Variants in PPP1R9A observed in about 807,000 individuals in gnomAD.
The protein encoded by PPP1R9A is neurabin-1.
Under a neutral mutation model 141.9 loss-of-function variants are expected in PPP1R9A, and 59 were observed. The ratio of observed to expected loss-of-function variants is 0.42; its 90% CI spans 0.34 to 0.52. The LOEUF is 0.52. Among genes scored for constraint, PPP1R9A ranks in the 20% least tolerant of loss-of-function variants. The pLI is 0.10. For missense variants in PPP1R9A, 1,444 were observed against 1,611.9 expected (o/e 0.90, Z 1.78); for synonymous variants, 500 against 569.7 (o/e 0.88, Z 1.74).
At chr7:94,917,785 T>G (rs1792281157) in intron 2 of PPP1R9A, among the ~76,000 whole-genome samples, 1 of 152,190 alleles carries the variant, frequency 6.6e-6, no homozygotes, top group East Asian at 1.9e-4. Flanking sequence ...GTTGGGTTCA[T>G]GTACTTGAAA....
At chr7:95,008,771 A>G (rs1304563425) in intron 2 of PPP1R9A, among the ~76,000 whole-genome samples, 1 of 152,128 alleles carries the variant, frequency 6.6e-6, no homozygotes, top group Non-Finnish European at 1.5e-5. Context: ...CACCTACCCC[A>G]TTGAAGAATG....
At chr7:95,085,073 C>T (rs569986758) in intron 2 of PPP1R9A, among the ~76,000 whole-genome samples, 8 of 152,132 alleles carry the variant, frequency 5.3e-5, no homozygotes, top group African/African-American at 1.9e-4. Context: ...CACCCATACT[C>T]GGCCTCTCCA....
chr7:95,099,514 C>G (rs1376807780), intron 2 of PPP1R9A, among the ~76,000 whole-genome samples: 1 of 152,132 alleles, frequency 6.6e-6, no homozygotes. Flanking sequence ...TGGAATTTCC[C>G]AGTTCTCTGT....
chr7:95,082,010 C>G (rs1005031419), intron 2 of PPP1R9A, among the ~76,000 whole-genome samples: 2 of 152,148 alleles, frequency 1.3e-5, no homozygotes, highest in African/African-American at 4.8e-5. Context: ...TTAGAAATCC[C>G]ATTTTCATTG....
chr7:95,267,727 T>G (rs1801519038), intron 12 of PPP1R9A, among the ~76,000 whole-genome samples: 1 of 152,122 alleles, frequency 6.6e-6, no homozygotes, highest in South Asian at 2.1e-4. Context: ...GTATTTACCC[T>G]TCGAAAATCA....
chr7:95,244,374 A>G (rs1233841600), intron 8 of PPP1R9A, among the ~76,000 whole-genome samples: 1 of 152,174 alleles, frequency 6.6e-6, no homozygotes, highest in East Asian at 1.9e-4. Flanking sequence ...GGCTCAGGAC[A>G]AGAATTTCTA....
chr7:95,286,167 C>T, intron 17 of PPP1R9A, 39 bp from the exon 18 acceptor site: 2 of 1,607,680 alleles, frequency 1.2e-6, no homozygotes, highest in African/African-American at 1.3e-5. Flanking sequence ...TGCTCACTCA[C>T]TGCACTCATT....
chr7:95,077,896 C>T (rs1815103759), intron 2 of PPP1R9A, among the ~76,000 whole-genome samples: 1 of 151,768 alleles, frequency 6.6e-6, no homozygotes, highest in Non-Finnish European at 1.5e-5. Context: ...TCATTTCCTG[C>T]CACAGAGGGA....
intron 2 of PPP1R9A, among the ~76,000 whole-genome samples, chr7:95,037,706 C>A (rs757177715): frequency 1.4e-5 from 2 of 147,892 alleles, no homozygotes; most frequent in African/African-American, 5.0e-5. Context: ...TGTGCGTGCG[C>A]GCGTGTGTGT....
intron 2 of PPP1R9A, among the ~76,000 whole-genome samples, chr7:94,914,123 A>G (rs1439982331): frequency 6.6e-6 from 1 of 152,210 alleles, no homozygotes; most frequent in Non-Finnish European, 1.5e-5. Context: ...TTGAAGCTTA[A>G]ACATACTTCC....
Position 95,273,962 on chromosome 7 carries a change from T to C in PPP1R9A, c.3188T>C (p.Ile1063Thr). 6 of 1,504,444 alleles carry C rather than the reference T, an allele frequency of 4.0e-6. No homozygotes were observed. Among genetic ancestry groups the C allele is most frequent in the Non-Finnish European group, 5.5e-6 (6 of 1,094,734 alleles). 93.2% of individuals were successfully genotyped at this position (1,504,444 alleles called of 1,614,324 possible). A position where few individuals can be genotyped will look rare whatever the true frequency, so the allele number is the denominator to read the frequency against. ...SSSLAVQGGK[I>T]KRKFVDLGAP... ...TCATTGGCGGTGCAAGGAGGAAAAATTAAGCGGAAGTTTGTGGATCTGGGG... is the reference window on the plus strand; with the variant it reads ...TCATTGGCGGTGCAAGGAGGAAAAACTAAGCGGAAGTTTGTGGATCTGGGG... Residue 1063 changes from isoleucine to threonine, a missense_variant, in exon 15 of 20, where the codon ATT becomes ACT. Ile to Thr is a moderately conservative substitution (Grantham distance 89). Coordinates refer to ENST00000433360, the MANE Select transcript of PPP1R9A (RefSeq NM_001166160.2).
At chr7:95,274,044 A>G in intron 15 of PPP1R9A, 41 bp from the exon 16 acceptor site, 1 of 1,502,968 alleles carries the variant, frequency 6.7e-7, no homozygotes, top group Non-Finnish European at 9.1e-7. Flanking sequence ...TGAAAGAGAA[A>G]ATTTCAGCTT....
chr7:95,092,211 A>G (rs1425232353), intron 2 of PPP1R9A, among the ~76,000 whole-genome samples: 1 of 152,166 alleles, frequency 6.6e-6, no homozygotes, highest in Non-Finnish European at 1.5e-5. Flanking sequence ...AAATCTTTTC[A>G]ATTCTTATGA....
At chr7:95,131,898 CTT>C (rs1486590052) in intron 4 of PPP1R9A, among the ~76,000 whole-genome samples, 4 of 151,866 alleles carry the variant, frequency 2.6e-5, no homozygotes, top group Non-Finnish European at 5.9e-5. Context: ...TTATAGATAT[CTT>C]TCACTTTCTT....
chr7:94,963,511 T>G (rs1211217820), intron 2 of PPP1R9A, among the ~76,000 whole-genome samples: 1 of 152,170 alleles, frequency 6.6e-6, no homozygotes, highest in African/African-American at 2.4e-5. Flanking sequence ...TGGATTGGCT[T>G]GTTCTGTACA....
chr7:95,074,718 C>A (rs1460140211), intron 2 of PPP1R9A, among the ~76,000 whole-genome samples: 1 of 152,050 alleles, frequency 6.6e-6, no homozygotes, highest in African/African-American at 2.4e-5. Context: ...AGGTGATCCA[C>A]CCGTCTCGGC....
rs570718114 is a variant in PPP1R9A, at chr7:95,025,088, G to T, written c.1396-86171G>T. ...TGGGTTGAAAATCCTTTTTTTTTTT[G>T]AGATGGAGTCTCGCTGTCACCTGGC... is the stretch of plus-strand genomic sequence containing the variant. On this transcript the variant is annotated intron_variant, in intron 2 of 19. Transcript: ENST00000433360. Among the ~76,000 whole-genome samples the T allele has an allele frequency of 5.4e-5, 8 of 147,660 alleles. No homozygotes were observed. The East Asian group carries it at 1.2e-3, about 22-fold the overall frequency.
rs771345715 is a variant in PPP1R9A at position 94,910,416 on chromosome 7, G to A, written c.303G>A (p.Lys101=). ...GGHSSPQRRM[K]PKEFLEKTDG... is the part of the protein sequence containing the mutation. ...ATTCATCTCCTCAGAGAAGAATGAA[G>A]CCCAAAGAATTTCTGGAAAAAACAG... The change falls in exon 2 of 20, where the codon AAG becomes AAA. Residue 101 remains lysine, a synonymous_variant. Coordinates refer to ENST00000433360, the MANE Select transcript of PPP1R9A (RefSeq NM_001166160.2). The surrounding 1 kb of genome is among the most constrained non-coding windows in gnomAD (Gnocchi z 4.5). 21 of 1,614,064 alleles carry A rather than the reference G, an allele frequency of 1.3e-5. No homozygotes were observed. Among genetic ancestry groups the A allele is most frequent in the Non-Finnish European group, 1.7e-5 (20 of 1,180,036 alleles).
At chr7:95,275,167 G>T (rs1230791153) in intron 16 of PPP1R9A, among the ~76,000 whole-genome samples, 1 of 152,138 alleles carries the variant, frequency 6.6e-6, no homozygotes, top group African/African-American at 2.4e-5. Flanking sequence ...CAGCACTTTG[G>T]GAGGCCAAGG....
Sources: allele counts gnomAD v4.1 joint callset (sites outside exome capture counted in the v4.1 genomes callset), GRCh38; gene constraint gnomAD v4.1.1; non-coding constraint Gnocchi (gnomAD v3.1); transcripts MANE v1.5; gene names NCBI Gene and HGNC (gene_info 2026-07-23, HGNC 2026-07-21).